Variants in MAPKAP1 observed in about 807,000 individuals in gnomAD.
The protein encoded by MAPKAP1 is target of rapamycin complex 2 subunit MAPKAP1.
In MAPKAP1, 20 loss-of-function variants were observed where a neutral mutation model predicts 65.7. The ratio of observed to expected loss-of-function variants is 0.30; its 90% CI spans 0.21 to 0.44. MAPKAP1 has a LOEUF of 0.44. MAPKAP1 is among the 20% of genes least tolerant of loss of function. MAPKAP1 has a pLI of 1.00. For missense variants in MAPKAP1, 423 were observed against 648.0 expected (o/e 0.65, Z 3.77); for synonymous variants, 222 against 244.3 (o/e 0.91, Z 0.85).
At chr9:125,706,621 G>A (rs1457148343) in intron 1 of MAPKAP1, among the ~76,000 whole-genome samples, 1 of 151,992 alleles carries the variant, frequency 6.6e-6, no homozygotes, top group East Asian at 1.9e-4. Context: ...AAGGAAACAA[G>A]GACCACACAG....
At chr9:125,471,350 TG>T (rs1363578457) in intron 9 of MAPKAP1, 9 of 152,492 alleles carry the variant, frequency 5.9e-5, no homozygotes, top group Admixed American at 5.9e-4. Flanking sequence ...GGAGTTGGCT[TG>T]GTGGAGGAGA....
chr9:125,494,233 G>A (rs895816558), intron 8 of MAPKAP1, among the ~76,000 whole-genome samples: 5 of 152,054 alleles, frequency 3.3e-5, no homozygotes, highest in Admixed American at 6.5e-5. Context: ...CTTCCCTTTG[G>A]CTACTAGTTA....
intron 4 of MAPKAP1, among the ~76,000 whole-genome samples, chr9:125,619,628 C>T (rs1564585903): frequency 1.3e-5 from 2 of 151,750 alleles, no homozygotes; most frequent in East Asian, 3.9e-4. Context: ...AATCAGGAAC[C>T]TTCATATATA....
chr9:125,473,674 ATCT>A (rs1265707442), intron 9 of MAPKAP1, among the ~76,000 whole-genome samples: 8 of 152,190 alleles, frequency 5.3e-5, no homozygotes, highest in African/African-American at 9.7e-5. Flanking sequence ...ACCGCGTAGC[ATCT>A]TCTTCTAACA....
At chr9:125,579,393 G>A (rs1831547158) in intron 5 of MAPKAP1, among the ~76,000 whole-genome samples, 1 of 152,230 alleles carries the variant, frequency 6.6e-6, no homozygotes, top group Admixed American at 6.5e-5. Context: ...CCAGGTTCAA[G>A]TGATTCTCCT....
At chr9:125,652,970 C>T (rs762996032) in intron 4 of MAPKAP1, among the ~76,000 whole-genome samples, 1 of 152,174 alleles carries the variant, frequency 6.6e-6, no homozygotes, top group Non-Finnish European at 1.5e-5. Context: ...TAATGAAGTA[C>T]GTGGGAAAGA....
rs1021318393 is a variant in MAPKAP1, at chr9:125,597,073, T to C, written c.499-11346A>G. Among the ~76,000 whole-genome samples, 9 of 150,944 alleles carry C rather than the reference T, an allele frequency of 6.0e-5. No individual in the cohort carries two copies. The East Asian group carries it at 7.8e-4, about 13-fold the overall frequency. ...GTCAGGAGATCGAGACCATCCTGGC[T>C]AACAAAGTGAAACCCTGTCTCTACT... On this transcript the variant is annotated intron_variant, in intron 4 of 11. Coordinates refer to ENST00000265960, the MANE Select transcript of MAPKAP1 (RefSeq NM_001006617.3).
At chr9:125,696,915 C>T (rs1207709784) in intron 1 of MAPKAP1, among the ~76,000 whole-genome samples, 3 of 152,032 alleles carry the variant, frequency 2.0e-5, no homozygotes, top group Non-Finnish European at 2.9e-5. Flanking sequence ...TTCCCAAATA[C>T]GTAAGCATTC....
intron 4 of MAPKAP1, among the ~76,000 whole-genome samples, chr9:125,629,259 G>T (rs1348689493): frequency 1.3e-5 from 2 of 152,168 alleles, no homozygotes; most frequent in Non-Finnish European, 2.9e-5. Context: ...ACACGCAAAA[G>T]AACTGAAAAC....
In MAPKAP1 at chr9:125,506,160, A is replaced by G. The variant is rs569516532; in HGVS notation, c.1066+150T>C. ...AAAATCAATCATTTCACTTTGGGAT[A>G]TACTTTGGCACGAAGACTGCAGTCT... On this transcript the variant is annotated intron_variant, in intron 8 of 11. Transcript: ENST00000265960. 68 of 689,820 alleles carry G rather than the reference A, an allele frequency of 9.9e-5. No individual in the cohort carries two copies. In the Admixed American group the frequency reaches 1.0e-3, roughly 10 times the overall value. The allele number at this position is 689,820 out of a possible 1,614,324, so 42.7% of individuals were successfully genotyped here. A position where few individuals can be genotyped will look rare whatever the true frequency, so the allele number is the denominator to read the frequency against.
chr9:125,547,303 C>A (rs1475758562), intron 6 of MAPKAP1, among the ~76,000 whole-genome samples: 2 of 152,114 alleles, frequency 1.3e-5, no homozygotes, highest in African/African-American at 2.4e-5. Context: ...TCTTTAGGAA[C>A]AGAGCTGGAA....
chr9:125,661,830 T>C (rs1834194386), intron 3 of MAPKAP1, among the ~76,000 whole-genome samples: 1 of 152,118 alleles, frequency 6.6e-6, no homozygotes, highest in South Asian at 2.1e-4. Context: ...AACCTAAGTA[T>C]AATAATGACT....
chr9:125,571,556 G>A (rs2131540055), intron 5 of MAPKAP1, among the ~76,000 whole-genome samples: 1 of 152,234 alleles, frequency 6.6e-6, no homozygotes, highest in South Asian at 2.1e-4. Flanking sequence ...TTTTAACTTT[G>A]CTTAAATGCT....
intron 4 of MAPKAP1, among the ~76,000 whole-genome samples, chr9:125,646,603 T>G (rs1409910626): frequency 1.3e-5 from 2 of 152,232 alleles, no homozygotes; most frequent in Non-Finnish European, 2.9e-5. Context: ...TTTATGAATT[T>G]TGTTTCTAAA....
chr9:125,469,822 C>A (rs1398686869), intron 9 of MAPKAP1, among the ~76,000 whole-genome samples: 4 of 152,130 alleles, frequency 2.6e-5, no homozygotes, highest in African/African-American at 9.7e-5. Flanking sequence ...AAATAGATTA[C>A]GACTACCCAG....
intron 4 of MAPKAP1, among the ~76,000 whole-genome samples, chr9:125,649,286 T>C (rs1415786380): frequency 2.6e-5 from 4 of 152,222 alleles, no homozygotes. Flanking sequence ...GAGAAGGTAG[T>C]ACAACAACAG....
At chr9:125,583,999 C>G (rs551923544) in intron 5 of MAPKAP1, among the ~76,000 whole-genome samples, 57 of 152,002 alleles carry the variant, frequency 3.7e-4, no homozygotes, top group African/African-American at 1.3e-3. Context: ...GGAGGCGGAG[C>G]CTGCAGTGAG....
chr9:125,471,427 T>C (rs1853918283), intron 9 of MAPKAP1: 1 of 152,104 alleles, frequency 6.6e-6, no homozygotes, highest in Non-Finnish European at 1.5e-5. Context: ...TGGGGTGCAG[T>C]GGGGATGAGC....
At chr9:125,682,760 GT>G (rs1268752458) in intron 1 of MAPKAP1, among the ~76,000 whole-genome samples, 2 of 152,146 alleles carry the variant, frequency 1.3e-5, no homozygotes, top group African/African-American at 4.8e-5. Context: ...GAAATTACCG[GT>G]TTAGGAGCTT....
Sources: allele counts gnomAD v4.1 joint callset (sites outside exome capture counted in the v4.1 genomes callset), GRCh38; gene constraint gnomAD v4.1.1; transcripts MANE v1.5; gene names NCBI Gene and HGNC (gene_info 2026-07-23, HGNC 2026-07-21).